SPART: variants seen among roughly 807,000 people sequenced by gnomAD.
The protein encoded by SPART is spartin.
In SPART, 35 loss-of-function variants were observed where a neutral mutation model predicts 58.7. The observed-to-expected ratio is 0.60, with a 90% CI of 0.46 to 0.79. SPART has a LOEUF of 0.79. SPART is among the 30% of genes least tolerant of loss of function. The pLI is 0.00. For synonymous variants in SPART, 284 were observed against 280.7 expected, an observed-to-expected ratio of 1.01 and a Z score of -0.12; for missense variants, 730 against 786.1, an observed-to-expected ratio of 0.93 and a Z score of 0.85.
At chr13:36,345,948 T>A (rs541500926) in intron 1 of SPART, among the ~76,000 whole-genome samples, 1 of 152,236 alleles carries the variant, frequency 6.6e-6, no homozygotes, top group Admixed American at 6.5e-5. Context: ...AAGGATTCCC[T>A]CCATCCTAAC....
intron 5 of SPART, among the ~76,000 whole-genome samples, chr13:36,318,560 C>T (rs991778218): frequency 5.9e-5 from 9 of 152,212 alleles, no homozygotes; most frequent in Admixed American, 1.3e-4. Flanking sequence ...TAATTAACCT[C>T]GCCTTCAAGG....
intron 1 of SPART, among the ~76,000 whole-genome samples, chr13:36,353,295 G>C (rs1015512189): frequency 6.6e-6 from 1 of 152,176 alleles, no homozygotes; most frequent in Non-Finnish European, 1.5e-5. Context: ...GAAAGGAAAG[G>C]CTCAGAGCCA....
At chr13:36,358,571 C>A (rs1328579051) in intron 1 of SPART, among the ~76,000 whole-genome samples, 1 of 152,122 alleles carries the variant, frequency 6.6e-6, no homozygotes, top group African/African-American at 2.4e-5. Flanking sequence ...ATCCCTGTTT[C>A]TTTTAAAAGA....
intron 1 of SPART, among the ~76,000 whole-genome samples, chr13:36,356,643 A>G (rs1885633015): frequency 6.6e-6 from 1 of 152,176 alleles, no homozygotes; most frequent in Non-Finnish European, 1.5e-5. Context: ...GTATTTCTTA[A>G]ATGTATTTAA....
intron 5 of SPART, among the ~76,000 whole-genome samples, chr13:36,323,831 G>A (rs1185888120): frequency 2.6e-5 from 4 of 152,134 alleles, no homozygotes; most frequent in Non-Finnish European, 4.4e-5. Flanking sequence ...CAGCCCTGAA[G>A]GTATAGAATA....
intron 8 of SPART, chr13:36,308,501 G>A (rs1025705669): frequency 4.6e-5 from 7 of 152,062 alleles, no homozygotes; most frequent in Non-Finnish European, 4.4e-5. Flanking sequence ...AATGAGCTGA[G>A]AATCACTGTT....
At position 36,358,453 on chromosome 13, in the gene SPART, A is replaced by G. The variant is rs76875940; in HGVS notation, c.-3+11636T>C. Among the ~76,000 whole-genome samples, 1,038 of 152,296 alleles carry G rather than the reference A, an allele frequency of 6.8e-3. 11 individuals carry two copies. Among genetic ancestry groups the G allele is most frequent in the African/African-American group, 0.024 (1,008 of 41,572 alleles). ...AGTTGAATTTACCTATTTTTTTCTCATAGTCCCAGTTTGGCTCGAACAATT... is the reference window on the plus strand; with the variant it reads ...AGTTGAATTTACCTATTTTTTTCTCGTAGTCCCAGTTTGGCTCGAACAATT... On this transcript the variant is annotated intron_variant, in intron 1 of 8. Transcript: ENST00000355182.
intron 5 of SPART, among the ~76,000 whole-genome samples, chr13:36,322,081 C>A (rs1319041438): frequency 2.0e-5 from 3 of 152,104 alleles, no homozygotes; most frequent in African/African-American, 7.2e-5. Flanking sequence ...ACCCTTATCT[C>A]CCTTTGCTGA....
intron 1 of SPART, chr13:36,365,781 T>C (rs1404972442): frequency 3.2e-6 from 1 of 313,320 alleles, no homozygotes. Flanking sequence ...TGTGAATATT[T>C]GTGGAATGCA....
In SPART at chr13:36,304,626, T is replaced by G. The variant is rs761954031; in HGVS notation, c.1740A>C (p.Gly580=). The G allele has an allele frequency of 1.2e-6, 2 of 1,613,816 alleles. No homozygotes were observed. Among genetic ancestry groups the G allele is most frequent in the Non-Finnish European group, 1.7e-6 (2 of 1,179,896 alleles). The change falls in exon 9 of 9, where the codon GGA becomes GGC. Residue 580 remains glycine, a synonymous_variant. Transcript: ENST00000438666. ...ETVQTVRYKY[G]YNAGEATHHA... ...GGTGGGTAGCTTCTCCTGCATTATATCCGTATCTTTAAAAGAAAGATTAGA... is the reference window on the plus strand; with the variant it reads ...GGTGGGTAGCTTCTCCTGCATTATAGCCGTATCTTTAAAAGAAAGATTAGA...
chr13:36,353,341 C>A (rs558201074), intron 1 of SPART, among the ~76,000 whole-genome samples: 4 of 152,218 alleles, frequency 2.6e-5, no homozygotes, highest in African/African-American at 9.6e-5. Flanking sequence ...CTGGGGAGAC[C>A]CTTGGACATT....
At chr13:36,343,666 A>G (rs1056117209) in intron 1 of SPART, among the ~76,000 whole-genome samples, 2 of 152,206 alleles carry the variant, frequency 1.3e-5, no homozygotes, top group African/African-American at 4.8e-5. Flanking sequence ...TATAATGGAC[A>G]TGGTCTGTCT....
intron 1 of SPART, among the ~76,000 whole-genome samples, chr13:36,358,484 T>C (rs1157111334): frequency 6.6e-6 from 1 of 152,240 alleles, no homozygotes. Context: ...CAATTGGTAC[T>C]GTATTACTAT....
Position 36,307,874 on chromosome 13 carries a change from T to C in SPART, c.1734-3242A>G, listed in dbSNP as rs539580945. Among the ~76,000 whole-genome samples the C allele has an allele frequency of 1.6e-3, 250 of 152,256 alleles. 5 individuals carry two copies. The highest frequency in any genetic ancestry group is 1.5e-3 in the Non-Finnish European group (99 of 67,936). On this transcript the variant is annotated intron_variant, in intron 8 of 8. Coordinates refer to ENST00000438666, the MANE Select transcript of SPART (RefSeq NM_015087.5). ...AGTATAGTTATTTAATCCTTTGTACTGGCTTATCCACCTGAAATCAGATAA... is the reference window on the plus strand; with the variant it reads ...AGTATAGTTATTTAATCCTTTGTACCGGCTTATCCACCTGAAATCAGATAA...
At chr13:36,363,044 A>G (rs937215563) in intron 1 of SPART, among the ~76,000 whole-genome samples, 3 of 152,170 alleles carry the variant, frequency 2.0e-5, no homozygotes, top group Admixed American at 1.3e-4. Context: ...TTCTGATTCA[A>G]TAGGTCTAGG....
chr13:36,304,972 A>G (rs897364224), intron 8 of SPART, among the ~76,000 whole-genome samples: 1 of 152,222 alleles, frequency 6.6e-6, no homozygotes, highest in African/African-American at 2.4e-5. Context: ...CTTTCTAGAA[A>G]TATGAGGGAA....
chr13:36,333,788 T>C (rs750078096), intron 2 of SPART, among the ~76,000 whole-genome samples: 13 of 152,152 alleles, frequency 8.5e-5, no homozygotes, highest in South Asian at 2.1e-4. Flanking sequence ...GAAACTGTTA[T>C]AGCTTTTATC....
intron 4 of SPART, among the ~76,000 whole-genome samples, chr13:36,328,464 T>C (rs978896278): frequency 2.6e-5 from 4 of 152,224 alleles, no homozygotes; most frequent in Non-Finnish European, 2.9e-5. Context: ...TATAATGTCC[T>C]GTAGGAGGGG....
intron 1 of SPART, among the ~76,000 whole-genome samples, chr13:36,361,061 A>G (rs1312936984): frequency 6.6e-6 from 1 of 152,232 alleles, no homozygotes; most frequent in Non-Finnish European, 1.5e-5. Context: ...GTGTAACGAT[A>G]TTGCACATTA....
Sources: gnomAD v4.1 joint callset for allele counts (sites outside exome capture counted in the v4.1 genomes callset) on GRCh38, gnomAD v4.1.1 for gene constraint, MANE v1.5 for transcripts, NCBI Gene and HGNC (gene_info 2026-07-23, HGNC 2026-07-21) for gene names.